The following MAPKAPK5 variants were observed in gnomAD, a reference collection of about 807,000 sequenced individuals.
The protein encoded by MAPKAPK5 is MAPK activated protein kinase 5, also known as MAP kinase-activated protein kinase 5.
A neutral mutation model predicts 65.1 loss-of-function variants in MAPKAPK5; 30 were observed. The observed-to-expected ratio is 0.46, with a 90% CI of 0.34 to 0.63. The LOEUF is 0.63. MAPKAPK5 is among the 20% of genes least tolerant of loss of function. The pLI is 0.01. For missense variants in MAPKAPK5, 433 were observed against 581.4 expected (o/e 0.74, Z 2.63); for synonymous variants, 179 against 204.6 (o/e 0.87, Z 1.07).
At chr12:111,864,842 A>G (rs2069551605) in intron 1 of MAPKAPK5, among the ~76,000 whole-genome samples, 1 of 152,224 alleles carries the variant, frequency 6.6e-6, no homozygotes, top group Admixed American at 6.5e-5. Flanking sequence ...ATAGGCCTCT[A>G]CAGCTTGGCA....
intron 12 of MAPKAPK5, chr12:111,889,820 A>T: frequency 2.2e-6 from 1 of 459,670 alleles, no homozygotes; most frequent in Non-Finnish European, 4.0e-6. Flanking sequence ...CTCTGGGGCC[A>T]TCAGTGGATT....
chr12:111,886,042 G>C lies in MAPKAPK5; in HGVS notation c.969+6G>C, dbSNP rs761935456. 8 of 1,613,906 alleles carry C rather than the reference G, an allele frequency of 5.0e-6. No individual in the cohort carries two copies. Among genetic ancestry groups the C allele is most frequent in the South Asian group, 1.1e-5 (1 of 91,072 alleles). On this transcript the variant is annotated splice_donor_region_variant and intron_variant, in intron 10 of 13. Coordinates refer to ENST00000550735, the MANE Select transcript of MAPKAPK5 (RefSeq NM_003668.4). ...CTCAGCTGATGATGGACAAGGTTTT[G>C]AATGATGTTTACTTTGTTGGCTGAA...
intron 1 of MAPKAPK5, among the ~76,000 whole-genome samples, chr12:111,848,915 T>G (rs766839003): frequency 8.6e-5 from 13 of 151,728 alleles, no homozygotes; most frequent in South Asian, 2.1e-4. Context: ...ATTTGTATTT[T>G]TATTTTTTTA....
chr12:111,894,978 CA>C lies in MAPKAPK5; in HGVS notation c.*1918del, dbSNP rs1411673943. ...CCTCCACTGTGCTGAGTAATTCCTC[CA>C]CCCTGAATCTTCAGGGTGACATTTG... On this transcript the variant is annotated 3_prime_UTR_variant, in exon 14 of 14. Transcript: ENST00000550735. 4 of 152,036 alleles carry C rather than the reference CA, an allele frequency of 2.6e-5. No individual in the cohort carries two copies. The highest frequency in any genetic ancestry group is 9.7e-5 in the African/African-American group (4 of 41,384). 9.4% of individuals were successfully genotyped at this position (152,036 alleles called of 1,614,324 possible).
Position 111,900,074 on chromosome 12 carries a change from G to C in MAPKAPK5, c.*7013G>C, listed in dbSNP as rs1417741067. On this transcript the variant is annotated 3_prime_UTR_variant, in exon 14 of 14. Transcript: ENST00000550735. ...TTGCTCTGGCCAACAGCTTCACTAG[G>C]GGAATAAACACAGAGGTGGTGCTGG... The C allele has an allele frequency of 6.6e-6, 3 of 456,042 alleles. No homozygotes were observed. The highest frequency in any genetic ancestry group is 1.3e-5 in the Non-Finnish European group (3 of 226,806). 28.2% of individuals were successfully genotyped at this position (456,042 alleles called of 1,614,324 possible). A position where few individuals can be genotyped will look rare whatever the true frequency, so the allele number is the denominator to read the frequency against.
chr12:111,866,428 C>T (rs571439336), intron 3 of MAPKAPK5, among the ~76,000 whole-genome samples, 197 bp downstream of exon 3: 4 of 152,316 alleles, frequency 2.6e-5, no homozygotes, highest in African/African-American at 9.6e-5. Flanking sequence ...TGAGTCATTT[C>T]CTTTCAGCCA....
chr12:111,847,521 A>G (rs1355489791), intron 1 of MAPKAPK5, among the ~76,000 whole-genome samples: 1 of 151,970 alleles, frequency 6.6e-6, no homozygotes, highest in African/African-American at 2.4e-5. Context: ...GGATTCTTAC[A>G]TATTGTTTTC....
At chr12:111,875,358 G>GGTT (rs1491364447) in intron 7 of MAPKAPK5, among the ~76,000 whole-genome samples, 5 of 151,702 alleles carry the variant, frequency 3.3e-5, no homozygotes, top group African/African-American at 9.7e-5. Flanking sequence ...GTTACCTTAT[G>GGTT]GTTAGGTGGG....
chr12:111,866,307 C>G, intron 3 of MAPKAPK5, 76 bp downstream of exon 3: 1 of 1,328,772 alleles, frequency 7.5e-7, no homozygotes, highest in African/African-American at 1.5e-5. Context: ...AGGCAGCTTC[C>G]TAGAGAGAAT....
At chr12:111,853,431 G>A (rs911663581) in intron 1 of MAPKAPK5, among the ~76,000 whole-genome samples, 1 of 151,960 alleles carries the variant, frequency 6.6e-6, no homozygotes, top group Non-Finnish European at 1.5e-5. Context: ...TGTCACTAGT[G>A]TATGGAAATA....
intron 1 of MAPKAPK5, among the ~76,000 whole-genome samples, chr12:111,854,942 A>T (rs1261082112): frequency 2.7e-5 from 4 of 145,792 alleles, no homozygotes; most frequent in Non-Finnish European, 4.5e-5. Context: ...CTCAGTTATT[A>T]ATTCAGTTTT....
rs1593196098 is a variant in MAPKAPK5 at position 111,895,473 on chromosome 12, G to A, written c.*2412G>A. On this transcript the variant is annotated 3_prime_UTR_variant, in exon 14 of 14. Coordinates refer to ENST00000550735, the MANE Select transcript of MAPKAPK5 (RefSeq NM_003668.4). The stretch of plus-strand genomic sequence containing the variant: ...TTGAGATAAAGTTCACTAATCTTAG[G>A]TGACTGATAACTGTTATAAATGGAT... 1 of 151,982 alleles carries A rather than the reference G, an allele frequency of 6.6e-6. No individual in the cohort carries two copies. The highest frequency in any genetic ancestry group is 1.9e-4 in the East Asian group (1 of 5,148). The allele number at this position is 151,982 out of a possible 1,614,324, so 9.4% of individuals were successfully genotyped here.
At chr12:111,865,834 CAAAA>C (rs1157723498) in intron 2 of MAPKAPK5, among the ~76,000 whole-genome samples, 3 of 57,420 alleles carry the variant, frequency 5.2e-5, no homozygotes, top group Admixed American at 1.7e-4. Context: ...GATTCTGTCT[CAAAA>C]AAAAAAAAAA....
chr12:111,845,074 A>G (rs1410640075), intron 1 of MAPKAPK5, among the ~76,000 whole-genome samples: 10 of 152,272 alleles, frequency 6.6e-5, no homozygotes, highest in Middle Eastern at 3.4e-3. Flanking sequence ...TAGGGCAGCA[A>G]TGTCACTTAG....
chr12:111,852,589 T>A (rs1322846986), intron 1 of MAPKAPK5, among the ~76,000 whole-genome samples: 1 of 152,176 alleles, frequency 6.6e-6, no homozygotes, highest in Non-Finnish European at 1.5e-5. Flanking sequence ...GAGTCAGAAG[T>A]TATGTGCAGA....
Position 111,842,723 on chromosome 12 carries a change from C to T in MAPKAPK5, c.-11C>T. 1 of 1,374,222 alleles carries T rather than the reference C, an allele frequency of 7.3e-7. No individual in the cohort carries two copies. The allele number at this position is 1,374,222 out of a possible 1,614,324, so 85.1% of individuals were successfully genotyped here. On this transcript the variant is annotated 5_prime_UTR_variant, in exon 1 of 14. Coordinates refer to ENST00000550735, the MANE Select transcript of MAPKAPK5 (RefSeq NM_003668.4). ...CCTCCGCCTCTCCCGGCTGTGGGGG[C>T]CCCACTGAGTATGTCGGAGGAGAGC...
At chr12:111,879,004 C>T (rs1214630197) in intron 7 of MAPKAPK5, among the ~76,000 whole-genome samples, 1 of 152,120 alleles carries the variant, frequency 6.6e-6, no homozygotes, top group Non-Finnish European at 1.5e-5. Flanking sequence ...TTCTGACTTC[C>T]TTGCATTTCC....
chr12:111,887,161 C>T (rs1279933919), intron 10 of MAPKAPK5, among the ~76,000 whole-genome samples: 1 of 152,068 alleles, frequency 6.6e-6, no homozygotes, highest in Non-Finnish European at 1.5e-5. Flanking sequence ...GTGTTAACAG[C>T]TTTGAAGGGG....
intron 9 of MAPKAPK5, chr12:111,885,610 A>G (rs2136146696): frequency 4.0e-6 from 1 of 251,932 alleles, no homozygotes; most frequent in East Asian, 7.9e-5. Context: ...TGGAGATTCA[A>G]GGTCTGAGGA....
Sources: gnomAD v4.1 joint callset for allele counts (sites outside exome capture counted in the v4.1 genomes callset) on GRCh38, gnomAD v4.1.1 for gene constraint, MANE v1.5 for transcripts, NCBI Gene and HGNC (gene_info 2026-07-23, HGNC 2026-07-21) for gene names.